The following KCNIP4 variants were observed in gnomAD, a reference collection of about 807,000 sequenced individuals.
KCNIP4 encodes the protein potassium voltage-gated channel interacting protein 4.
In KCNIP4, 12 loss-of-function variants were observed where a neutral mutation model predicts 34.0. The observed-to-expected ratio is 0.35, with a 90% CI of 0.23 to 0.57. KCNIP4 has a LOEUF of 0.57. KCNIP4 is among the 20% of genes least tolerant of loss of function. KCNIP4 has a pLI of 0.83. For missense variants in KCNIP4, 238 were observed against 311.7 expected, an observed-to-expected ratio of 0.76 and a Z score of 1.78; for synonymous variants, 124 against 102.2, an observed-to-expected ratio of 1.21 and a Z score of -1.29.
chr4:21,550,655 T>C lies in KCNIP4; in HGVS notation c.61+397916A>G, dbSNP rs138249679. 9.6e-4 allele frequency among the ~76,000 whole-genome samples: 146 copies of C among 152,212 alleles called. 1 individual carries two copies. The highest frequency in any genetic ancestry group is 3.3e-3 in the African/African-American group (139 of 41,552). On this transcript the variant is annotated intron_variant, in intron 1 of 8. Coordinates refer to ENST00000382152, the MANE Select transcript of KCNIP4 (RefSeq NM_025221.6). ...ACCCATAGATACAATCCAAGACTGG[T>C]ACTCATAAATTCCAAAGGAAAAATA...
At chr4:21,519,729 T>C (rs1252437649) in intron 1 of KCNIP4, among the ~76,000 whole-genome samples, 2 of 124,358 alleles carry the variant, frequency 1.6e-5, no homozygotes, top group African/African-American at 3.4e-5. Context: ...TACACACGTG[T>C]GTATATGTAT....
chr4:20,882,601 A>T lies in KCNIP4; in HGVS notation c.163+7T>A. ...GAGGAAAAAAAAAAACAAAAAAACA[A>T]ACTTGCTTTGAATAGCAGGAGACGA... On this transcript the variant is annotated splice_region_variant and intron_variant, in intron 2 of 8. Coordinates refer to ENST00000382152, the MANE Select transcript of KCNIP4 (RefSeq NM_025221.6). 6.2e-7 allele frequency: 1 copy of T among 1,608,570 alleles called. No individual in the cohort carries two copies. Among genetic ancestry groups the T allele is most frequent in the Admixed American group, 1.7e-5 (1 of 59,756 alleles).
At chr4:21,090,595 T>A (rs1308708582) in intron 1 of KCNIP4, among the ~76,000 whole-genome samples, 1 of 152,218 alleles carries the variant, frequency 6.6e-6, no homozygotes, top group African/African-American at 2.4e-5. Context: ...AAAGTTTTTA[T>A]GTATTGCATT....
intron 1 of KCNIP4, among the ~76,000 whole-genome samples, chr4:21,678,865 G>A (rs529588940): frequency 3.3e-5 from 5 of 152,250 alleles, no homozygotes; most frequent in Non-Finnish European, 5.9e-5. Flanking sequence ...ACCTCGGAAC[G>A]TGACTGTACT....
intron 1 of KCNIP4, among the ~76,000 whole-genome samples, chr4:21,825,751 T>C (rs35921228): frequency 0.081 from 12,260 of 152,190 alleles, 559 homozygotes; most frequent in Middle Eastern, 0.14. Context: ...ACTAGGTACA[T>C]TGAAGTTATT....
At chr4:21,477,937 T>C (rs13144924) in intron 1 of KCNIP4, among the ~76,000 whole-genome samples, 19,007 of 152,184 alleles carry the variant, frequency 0.12, 1,354 homozygotes, top group South Asian at 0.21. Context: ...CTTATTTTTC[T>C]CTTATTGAAA....
chr4:21,708,080 G>T (rs954661157), intron 1 of KCNIP4, among the ~76,000 whole-genome samples: 1 of 151,844 alleles, frequency 6.6e-6, no homozygotes, highest in African/African-American at 2.4e-5. Context: ...TTTCACACTG[G>T]AACATAATAT....
chr4:21,281,206 C>T (rs1000782843), intron 1 of KCNIP4, among the ~76,000 whole-genome samples: 1 of 151,626 alleles, frequency 6.6e-6, no homozygotes, highest in East Asian at 1.9e-4. Flanking sequence ...CCTTCCTCAG[C>T]CTCCCAAGTA....
At position 21,021,389 on chromosome 4, in the gene KCNIP4, TA is replaced by T. The variant is rs377529635; in HGVS notation, c.62-138681del. ...CACAGAGGTTACCCTAAATTTAACT[TA>T]AAATTTCTTTGTTCAATAATAAATT... On this transcript the variant is annotated intron_variant, in intron 1 of 8. Transcript: ENST00000382152. Among the ~76,000 whole-genome samples the T allele has an allele frequency of 7.5e-3, 1,140 of 152,306 alleles. 11 individuals carry two copies. The highest frequency in any genetic ancestry group is 0.026 in the African/African-American group (1,066 of 41,578).
At chr4:21,213,596 A>C (rs966305600) in intron 1 of KCNIP4, among the ~76,000 whole-genome samples, 1 of 151,988 alleles carries the variant, frequency 6.6e-6, no homozygotes, top group East Asian at 1.9e-4. Context: ...GCCACCATGC[A>C]CGGCCGAAAG....
At chr4:21,169,662 G>GCA (rs1223326517) in intron 1 of KCNIP4, among the ~76,000 whole-genome samples, 1 of 86,570 alleles carries the variant, frequency 1.2e-5, no homozygotes, top group Non-Finnish European at 2.3e-5. Context: ...CTTTATATTT[G>GCA]TGTGTGTGTG....
chr4:21,051,449 A>C (rs1462096156), intron 1 of KCNIP4, among the ~76,000 whole-genome samples: 1 of 152,160 alleles, frequency 6.6e-6, no homozygotes, highest in Non-Finnish European at 1.5e-5. Flanking sequence ...TTTTCCCTTA[A>C]TTACATGTTT....
At position 21,234,419 on chromosome 4, in the gene KCNIP4, AT is replaced by A. The variant is rs1210634292; in HGVS notation, c.62-351711del. On this transcript the variant is annotated intron_variant, in intron 1 of 8. Transcript: ENST00000382152. ...TATAATATATTATATAACATATACT[AT>A]ATATATTACATATAACGTATATAAT... Among the ~76,000 whole-genome samples the A allele has an allele frequency of 2.1e-4, 28 of 130,292 alleles. 6 individuals carry two copies. The highest frequency in any genetic ancestry group is 4.8e-4 in the African/African-American group (16 of 33,084). 85.5% of individuals were successfully genotyped at this position (130,292 alleles called of 152,430 possible).
intron 1 of KCNIP4, among the ~76,000 whole-genome samples, chr4:21,242,095 C>A (rs1194283138): frequency 1.4e-5 from 2 of 138,182 alleles, no homozygotes; most frequent in East Asian, 4.4e-4. Flanking sequence ...ACCCAGGAGG[C>A]GGAGCTTGCA....
chr4:21,543,100 C>T (rs1444853457), intron 1 of KCNIP4, among the ~76,000 whole-genome samples: 2 of 151,888 alleles, frequency 1.3e-5, no homozygotes, highest in Non-Finnish European at 2.9e-5. Context: ...TATAATATTA[C>T]AAATAATGAA....
At chr4:21,556,400 G>C (rs1164139966) in intron 1 of KCNIP4, among the ~76,000 whole-genome samples, 2 of 152,102 alleles carry the variant, frequency 1.3e-5, no homozygotes, top group African/African-American at 4.8e-5. Flanking sequence ...TTACTTTTCA[G>C]AGATGAACAA....
At position 21,291,862 on chromosome 4, in the gene KCNIP4, AAAAAAAAAGAAAG is replaced by A. The variant is rs1350372733; in HGVS notation, c.62-409166_62-409154del. On this transcript the variant is annotated intron_variant, in intron 1 of 8. Coordinates refer to ENST00000382152, the MANE Select transcript of KCNIP4 (RefSeq NM_025221.6). Reference sequence around the variant, plus strand: ...GAGTTAGACTCCGCCTCAAAAAAAAAAAAAAAAAGAAAGAAAGAAAGAAAGAAAGAAAGAAAGA... The same window carrying A: ...GAGTTAGACTCCGCCTCAAAAAAAAAAAAGAAAGAAAGAAAGAAAGAAAGA... Among the ~76,000 whole-genome samples, 82 of 115,932 alleles carry A rather than the reference AAAAAAAAAGAAAG, an allele frequency of 7.1e-4. 7 individuals carry two copies. Among genetic ancestry groups the A allele is most frequent in the African/African-American group, 2.5e-3 (70 of 27,608 alleles). The allele number at this position is 115,932 out of a possible 152,430, so 76.1% of individuals were successfully genotyped here.
intron 1 of KCNIP4, among the ~76,000 whole-genome samples, chr4:20,888,885 G>A (rs906196628): frequency 4.6e-5 from 7 of 151,946 alleles, no homozygotes; most frequent in African/African-American, 1.7e-4. Flanking sequence ...CTGTCTAAAG[G>A]CTACCATGCC....
At chr4:21,100,759 A>G (rs1457758930) in intron 1 of KCNIP4, among the ~76,000 whole-genome samples, 1 of 152,156 alleles carries the variant, frequency 6.6e-6, no homozygotes, top group East Asian at 1.9e-4. Context: ...TTTAGACATA[A>G]TACTATTGCA....
Sources: allele counts gnomAD v4.1 joint callset (sites outside exome capture counted in the v4.1 genomes callset), GRCh38; gene constraint gnomAD v4.1.1; transcripts MANE v1.5; gene names NCBI Gene and HGNC (gene_info 2026-07-23, HGNC 2026-07-21).